The following VAT1L variants were observed in gnomAD, a reference collection of about 807,000 sequenced individuals.
VAT1L encodes the protein vesicle amine transport 1 like.
VAT1L carries 34 observed loss-of-function variants against 44.1 expected under a neutral mutation model. The ratio of observed to expected loss-of-function variants is 0.77; its 90% confidence interval spans 0.59 to 1.03. The LOEUF (loss-of-function observed/expected upper bound fraction) is 1.03, where lower values mean the gene tolerates loss of function less well. VAT1L is among the 50% of genes least tolerant of loss of function. The pLI is 0.00. For synonymous variants in VAT1L, 253 were observed against 202.2 expected (o/e 1.25, Z -2.13); for missense variants, 615 against 538.8 (o/e 1.14, Z -1.40).
chr16:77,830,325 T>A (rs1425335478), intron 3 of VAT1L, among the ~76,000 whole-genome samples: 1 of 152,214 alleles, frequency 6.6e-6, no homozygotes, highest in African/African-American at 2.4e-5. Context: ...GAAGCCATAC[T>A]GTCCTCTCTT....
rs541166093 is a variant in VAT1L, at chr16:77,879,522, G to A, written c.882+298G>A. ...GCCAGGATGGTCTCAATCTGACCTC[G>A]TGATCTGCCCGCCTCAGCCTCCCAA... On this transcript the variant is annotated intron_variant, in intron 6 of 8. Coordinates refer to ENST00000302536, the MANE Select transcript of VAT1L (RefSeq NM_020927.3). The surrounding 1 kb of genome is among the most constrained non-coding windows in gnomAD (Gnocchi z 4.1). Among the ~76,000 whole-genome samples, 4 of 152,272 alleles carry A rather than the reference G, an allele frequency of 2.6e-5. No homozygotes were observed. The highest frequency in any genetic ancestry group is 2.6e-4 in the Admixed American group (4 of 15,298).
At position 77,879,203 on chromosome 16, in the gene VAT1L, C is replaced by G. The variant is rs1453015702; in HGVS notation, c.861C>G (p.Ser287Arg). The change falls in exon 6 of 9, where the codon AGC becomes AGG. Residue 287 changes from serine to arginine, a missense_variant. Ser to Arg is a moderately radical substitution (Grantham distance 110). Transcript: ENST00000302536. This position sits in a 1 kb window ranked among gnomAD's most constrained non-coding sequence, Gnocchi z 4.1. Reference protein sequence around the residue: ...SSNMVTGETKSFFSFAKSWWQ... With the variant: ...SSNMVTGETKRFFSFAKSWWQ... The stretch of plus-strand genomic sequence containing the variant: ...ACATGGTAACTGGAGAGACCAAGAG[C>G]TTCTTCAGCTTTGCAAAATCAGTAA... The G allele has an allele frequency of 1.2e-6, 2 of 1,614,072 alleles. No individual in the cohort carries two copies. The highest frequency in any genetic ancestry group is 2.7e-5 in the African/African-American group (2 of 74,928).
intron 8 of VAT1L, 120 bp downstream of exon 8, chr16:77,972,053 C>T: frequency 2.4e-6 from 2 of 848,972 alleles, no homozygotes; most frequent in Admixed American, 2.6e-5. Flanking sequence ...GTGGAGGAGA[C>T]CAGGGGTAAT....
chr16:77,790,006 C>T (rs1266958454), intron 1 of VAT1L, among the ~76,000 whole-genome samples: 1 of 152,152 alleles, frequency 6.6e-6, no homozygotes, highest in Non-Finnish European at 1.5e-5. Flanking sequence ...TTTCTAGAGC[C>T]CCCCAGTACA....
chr16:77,943,159 C>T (rs1043151913), intron 7 of VAT1L, among the ~76,000 whole-genome samples: 7 of 151,608 alleles, frequency 4.6e-5, no homozygotes, highest in South Asian at 2.1e-4. Flanking sequence ...CGGGTTCAAG[C>T]GATTCTCCTG....
chr16:77,899,790 G>A (rs992149799), intron 7 of VAT1L, among the ~76,000 whole-genome samples: 3 of 152,186 alleles, frequency 2.0e-5, no homozygotes, highest in South Asian at 2.1e-4. Context: ...TGCGGAGAGC[G>A]GATGTGTTCT....
intron 7 of VAT1L, among the ~76,000 whole-genome samples, chr16:77,918,343 T>G (rs955372074): frequency 3.9e-5 from 6 of 152,192 alleles, no homozygotes; most frequent in East Asian, 1.9e-4. Context: ...GAAACCAAGG[T>G]AGAAAGTTCT....
In VAT1L at chr16:77,980,075, T is replaced by C. The variant is rs1164126263; in HGVS notation, c.*2380T>C. 3 of 152,666 alleles carry C rather than the reference T, an allele frequency of 2.0e-5. No homozygotes were observed. The highest frequency in any genetic ancestry group is 4.4e-5 in the Non-Finnish European group (3 of 68,040). The allele number at this position is 152,666 out of a possible 1,614,324, so 9.5% of individuals were successfully genotyped here. On this transcript the variant is annotated 3_prime_UTR_variant, in exon 9 of 9. Transcript: ENST00000302536. ...AAAGCAAATTATGTTTACATAAAAA[T>C]ATAAATAAAGTATTCAGCATAGCAA...
intron 7 of VAT1L, among the ~76,000 whole-genome samples, chr16:77,906,575 A>T (rs566286349): frequency 6.6e-6 from 1 of 152,320 alleles, no homozygotes; most frequent in South Asian, 2.1e-4. Context: ...TGAAGGAAGG[A>T]TGGGTTATCA....
At chr16:77,936,694 G>T (rs145127018) in intron 7 of VAT1L, among the ~76,000 whole-genome samples, 2,232 of 152,220 alleles carry the variant, frequency 0.015, 55 homozygotes, top group African/African-American at 0.05. Flanking sequence ...ACAGGAAGAG[G>T]AGGGGCCAGG....
chr16:77,832,581 G>A (rs192626523), intron 3 of VAT1L, among the ~76,000 whole-genome samples: 34 of 152,352 alleles, frequency 2.2e-4, no homozygotes, highest in Non-Finnish European at 3.8e-4. Context: ...GCTGAGAGAA[G>A]CTTCTCTGAT....
intron 3 of VAT1L, among the ~76,000 whole-genome samples, chr16:77,833,339 C>T (rs1378933864): frequency 2.0e-5 from 3 of 152,322 alleles, no homozygotes; most frequent in East Asian, 3.9e-4. Flanking sequence ...ACCTGACCTG[C>T]ACCAGAGGAG....
chr16:77,925,612 A>G (rs1047346709), intron 7 of VAT1L, among the ~76,000 whole-genome samples: 2 of 152,206 alleles, frequency 1.3e-5, no homozygotes, highest in African/African-American at 4.8e-5. Context: ...ACTCAGCAGG[A>G]GATGAGACTA....
chr16:77,791,172 A>G (rs557760769), intron 1 of VAT1L, among the ~76,000 whole-genome samples: 2 of 152,176 alleles, frequency 1.3e-5, no homozygotes, highest in Non-Finnish European at 2.9e-5. Context: ...GCCAGACATG[A>G]TCATTGATTA....
At chr16:77,897,112 T>C (rs368915990) in intron 7 of VAT1L, among the ~76,000 whole-genome samples, 1 of 152,200 alleles carries the variant, frequency 6.6e-6, no homozygotes, top group African/African-American at 2.4e-5. Flanking sequence ...TTTGCTAGAC[T>C]AAGTAGATAA....
intron 3 of VAT1L, among the ~76,000 whole-genome samples, chr16:77,862,212 T>C (rs4360950): frequency 0.019 from 2,819 of 152,342 alleles, 92 homozygotes; most frequent in African/African-American, 0.064. Flanking sequence ...GATACATTTG[T>C]GGTTGTCACA....
At chr16:77,934,326 C>G (rs1460313584) in intron 7 of VAT1L, among the ~76,000 whole-genome samples, 1 of 152,012 alleles carries the variant, frequency 6.6e-6, no homozygotes, top group Admixed American at 6.5e-5. Flanking sequence ...CCCAAGATGA[C>G]CCTGTTCTAA....
chr16:77,830,687 A>C (rs1022462446), intron 3 of VAT1L, among the ~76,000 whole-genome samples: 3 of 151,876 alleles, frequency 2.0e-5, no homozygotes. Flanking sequence ...TAAACCTCTT[A>C]TTCTTTTTTG....
chr16:77,971,818 C>A, intron 7 of VAT1L, 32 bp from the exon 8 acceptor site: 1 of 1,603,968 alleles, frequency 6.2e-7, no homozygotes, highest in Non-Finnish European at 8.5e-7. Flanking sequence ...TCTCGCCTAA[C>A]CAGCACCTCT....
Sources: allele counts gnomAD v4.1 joint callset (sites outside exome capture counted in the v4.1 genomes callset), GRCh38; gene constraint gnomAD v4.1.1; non-coding constraint Gnocchi (gnomAD v3.1); transcripts MANE v1.5; gene names NCBI Gene and HGNC (gene_info 2026-07-23, HGNC 2026-07-21).